The following GPR149 variants were observed in gnomAD, a reference collection of about 807,000 sequenced individuals.
The protein encoded by GPR149 is G protein-coupled receptor 149.
Under a neutral mutation model 50.2 loss-of-function variants are expected in GPR149, and 50 were observed. The observed-to-expected ratio is 1.00, with a 90% CI of 0.79 to 1.26. The LOEUF (loss-of-function observed/expected upper bound fraction) is 1.26. Ranked by LOEUF, GPR149 falls within the 50% of genes most tolerant of loss-of-function variation. The probability of loss-of-function intolerance (pLI) is 0.00; values close to 1 mark genes in which losing one functional copy is unlikely to be tolerated. For missense variants in GPR149, 983 were observed against 895.4 expected (o/e 1.10, Z -1.25); for synonymous variants, 405 against 358.2 (o/e 1.13, Z -1.48).
intron 3 of GPR149, chr3:154,353,139 C>T: frequency 6.6e-7 from 1 of 1,504,782 alleles, no homozygotes. Flanking sequence ...TACATTCTTC[C>T]TGGTCTCACA....
At chr3:154,394,754 C>G (rs1407551880) in intron 3 of GPR149, among the ~76,000 whole-genome samples, 1 of 151,980 alleles carries the variant, frequency 6.6e-6, no homozygotes, top group African/African-American at 2.4e-5. Flanking sequence ...TAAAAATATG[C>G]TCTGGGGTTG....
At chr3:154,407,551 C>T (rs766893673) in intron 3 of GPR149, among the ~76,000 whole-genome samples, 2 of 151,974 alleles carry the variant, frequency 1.3e-5, no homozygotes, top group Non-Finnish European at 2.9e-5. Context: ...CTTGAATGAA[C>T]TCTGTAGTAG....
At chr3:154,376,154 G>A (rs1714787928) in intron 3 of GPR149, among the ~76,000 whole-genome samples, 1 of 152,046 alleles carries the variant, frequency 6.6e-6, no homozygotes, top group East Asian at 1.9e-4. Flanking sequence ...TTTATCTATT[G>A]TTTCTCTAGG....
intron 3 of GPR149, among the ~76,000 whole-genome samples, chr3:154,359,115 C>A (rs1342068758): frequency 6.6e-6 from 1 of 152,046 alleles, no homozygotes; most frequent in African/African-American, 2.4e-5. Flanking sequence ...ATTTTCTTCT[C>A]AGTTTTTTTT....
At chr3:154,354,539 C>CT (rs1367298709) in intron 3 of GPR149, among the ~76,000 whole-genome samples, 1 of 152,028 alleles carries the variant, frequency 6.6e-6, no homozygotes, top group Non-Finnish European at 1.5e-5. Context: ...CTGTGATCCT[C>CT]TGAGTGTTTC....
intron 3 of GPR149, among the ~76,000 whole-genome samples, chr3:154,351,165 A>C (rs1714067954): frequency 6.6e-6 from 1 of 151,998 alleles, no homozygotes; most frequent in South Asian, 2.1e-4. Context: ...AGGGATAGAG[A>C]CACAGAAAAA....
At chr3:154,378,382 C>T (rs1483245332) in intron 3 of GPR149, among the ~76,000 whole-genome samples, 1 of 152,132 alleles carries the variant, frequency 6.6e-6, no homozygotes, top group African/African-American at 2.4e-5. Flanking sequence ...GTGTAAGCCA[C>T]CACACCGGAA....
rs564555554 is a variant in GPR149 at position 154,392,034 on chromosome 3, C to T, written c.1623+29005G>A. ...ATATACAATGCAAAATGTAACATAA[C>T]TGATAAAAGAAATAAATAATATGAT... On this transcript the variant is annotated intron_variant, in intron 3 of 3. Coordinates refer to ENST00000389740, the MANE Select transcript of GPR149 (RefSeq NM_001038705.3). Among the ~76,000 whole-genome samples, 33 of 119,300 alleles carry T rather than the reference C, an allele frequency of 2.8e-4. 1 individual carries two copies. In the South Asian group the frequency reaches 8.7e-3, roughly 32 times the overall value. 78.3% of individuals were successfully genotyped at this position (119,300 alleles called of 152,430 possible). A position where few individuals can be genotyped will look rare whatever the true frequency, so the allele number is the denominator to read the frequency against.
At chr3:154,350,356 G>A (rs1210896976) in intron 3 of GPR149, among the ~76,000 whole-genome samples, 1 of 152,152 alleles carries the variant, frequency 6.6e-6, no homozygotes, top group East Asian at 1.9e-4. Context: ...CAAGGTCACA[G>A]GATATAAGAT....
At chr3:154,407,372 C>T (rs553611430) in intron 3 of GPR149, among the ~76,000 whole-genome samples, 3 of 149,198 alleles carry the variant, frequency 2.0e-5, no homozygotes, top group Non-Finnish European at 4.5e-5. Flanking sequence ...AAGGTAATAA[C>T]CATTTGCAAT....
At chr3:154,404,905 C>T (rs1385074760) in intron 3 of GPR149, among the ~76,000 whole-genome samples, 2 of 151,984 alleles carry the variant, frequency 1.3e-5, no homozygotes, top group East Asian at 1.9e-4. Context: ...AAATTATCTG[C>T]CTCACAAAGT....
intron 3 of GPR149, among the ~76,000 whole-genome samples, chr3:154,409,923 T>G (rs1414127792): frequency 6.6e-6 from 1 of 152,132 alleles, no homozygotes; most frequent in Non-Finnish European, 1.5e-5. Context: ...CCTAGGAACA[T>G]AGTCATCAGG....
At chr3:154,348,544 C>G (rs755414050) in intron 3 of GPR149, among the ~76,000 whole-genome samples, 6 of 152,090 alleles carry the variant, frequency 3.9e-5, no homozygotes, top group Admixed American at 1.3e-4. Context: ...GATCCATCCA[C>G]TTAGAAGACA....
At chr3:154,423,641 T>C (rs1576932177) in intron 2 of GPR149, among the ~76,000 whole-genome samples, 1 of 151,760 alleles carries the variant, frequency 6.6e-6, no homozygotes, top group East Asian at 1.9e-4. Flanking sequence ...GAGAGGCTGG[T>C]TGTAAGGGGG....
intron 3 of GPR149, chr3:154,353,486 T>C: frequency 1.1e-6 from 1 of 908,174 alleles, no homozygotes; most frequent in Non-Finnish European, 1.9e-6. Context: ...CATGGCACAG[T>C]TTAGAAAGAT....
rs1056447436 is a variant in GPR149, at chr3:154,429,597, T to C, written c.19A>G (p.Asn7Asp). The C allele has an allele frequency of 2.5e-6, 4 of 1,612,364 alleles. No individual in the cohort carries two copies. In the African/African-American group the frequency reaches 4.0e-5, roughly 16 times the overall value. Residue 7 changes from asparagine to aspartate, a missense_variant, in exon 1 of 4, where the codon AAC becomes GAC. Coordinates refer to ENST00000389740, the MANE Select transcript of GPR149 (RefSeq NM_001038705.3). ...AGGCTAGAGTCATTTGTTGATAAGT[T>C]ACTGAGAAATAAAGACATTGTCCTT... The part of the protein sequence containing the change: MSLFLS[N>D]LSTNDSSLWK...
Position 154,337,370 on chromosome 3 carries a change from C to T in GPR149, c.*329G>A, listed in dbSNP as rs944057306. Among the ~76,000 whole-genome samples the T allele has an allele frequency of 3.3e-5, 5 of 152,124 alleles. No homozygotes were observed. The highest frequency in any genetic ancestry group is 9.7e-5 in the African/African-American group (4 of 41,436). On this transcript the variant is annotated 3_prime_UTR_variant, in exon 4 of 4. Transcript: ENST00000389740. ...AAACATATGCATGGAACAGTATATT[C>T]ACTGAGTTTATACAATTTTCTGTTT...
At chr3:154,352,121 T>A in intron 3 of GPR149, 1 of 689,288 alleles carries the variant, frequency 1.5e-6, no homozygotes, top group Non-Finnish European at 2.3e-6. Context: ...CACTGGTAGA[T>A]TAAGTATCAA....
chr3:154,393,168 T>C (rs570741191), intron 3 of GPR149, among the ~76,000 whole-genome samples: 6 of 152,040 alleles, frequency 3.9e-5, no homozygotes, highest in Non-Finnish European at 7.4e-5. Context: ...TGACCATAGA[T>C]GCAAAAATCC....
Sources: gnomAD v4.1 joint callset for allele counts (sites outside exome capture counted in the v4.1 genomes callset) on GRCh38, gnomAD v4.1.1 for gene constraint, MANE v1.5 for transcripts, NCBI Gene and HGNC (gene_info 2026-07-23, HGNC 2026-07-21) for gene names.